THNSL1: variants seen among roughly 807,000 people sequenced by gnomAD.
The protein encoded by THNSL1 is threonine synthase-like 1.
THNSL1 carries 48 observed loss-of-function variants against 50.4 expected under a neutral mutation model. The observed-to-expected ratio is 0.95, with a 90% CI of 0.76 to 1.21. The LOEUF is 1.21. THNSL1 is among the 50% of genes most tolerant of loss of function. THNSL1 has a pLI of 0.00. For missense variants in THNSL1, 896 were observed against 871.7 expected (o/e 1.03, Z -0.35); for synonymous variants, 309 against 306.1 (o/e 1.01, Z -0.10).
chr10:24,998,525 C>A, the THNSL1 span, among the ~76,000 whole-genome samples: 6 of 152,082 alleles, frequency 3.9e-5, no homozygotes, highest in African/African-American at 1.2e-4. Flanking sequence ...CAGGTGCATG[C>A]CATCACACCT....
At chr10:24,955,898 A>C in the THNSL1 span, among the ~76,000 whole-genome samples, 1 of 152,048 alleles carries the variant, frequency 6.6e-6, no homozygotes, top group Non-Finnish European at 1.5e-5. Flanking sequence ...ATTGAGTCAT[A>C]ATTGCACCAC....
chr10:24,999,707 T>C, the THNSL1 span, among the ~76,000 whole-genome samples: 1 of 152,194 alleles, frequency 6.6e-6, no homozygotes, highest in African/African-American at 2.4e-5. Context: ...TCCATCAGAC[T>C]TAGATAAACT....
the THNSL1 span, among the ~76,000 whole-genome samples, chr10:25,008,984 T>G: frequency 2.0e-4 from 31 of 152,240 alleles, no homozygotes; most frequent in South Asian, 6.2e-3. Flanking sequence ...GAAACCATCA[T>G]TCTCAGCAAA....
At chr10:24,954,000 A>C in the THNSL1 span, among the ~76,000 whole-genome samples, 3 of 152,142 alleles carry the variant, frequency 2.0e-5, no homozygotes, top group Non-Finnish European at 4.4e-5. Flanking sequence ...TTCTCAGCAC[A>C]CGGGTAAACA....
At chr10:24,976,738 C>T in the THNSL1 span, among the ~76,000 whole-genome samples, 6 of 152,140 alleles carry the variant, frequency 3.9e-5, no homozygotes, top group Admixed American at 1.3e-4. Context: ...AGATGATCCA[C>T]CTGCCTCGGC....
chr10:24,995,634 C>T, the THNSL1 span: 2 of 1,603,208 alleles, frequency 1.2e-6, no homozygotes, highest in Admixed American at 1.7e-5. Flanking sequence ...TATTAATATA[C>T]CACAAGGCTA....
At chr10:24,957,638 G>A in the THNSL1 span, among the ~76,000 whole-genome samples, 4 of 152,140 alleles carry the variant, frequency 2.6e-5, no homozygotes, top group East Asian at 1.9e-4. Flanking sequence ...CCACCACCAC[G>A]CCCGGCTAAT....
intron 1 of THNSL1, among the ~76,000 whole-genome samples, chr10:25,017,626 T>G (rs533538593): frequency 6.6e-6 from 1 of 152,216 alleles, no homozygotes; most frequent in African/African-American, 2.4e-5. Context: ...TTTTTCTTTT[T>G]TTTTTTTTTG....
the THNSL1 span, chr10:24,999,521 C>T: frequency 6.2e-7 from 1 of 1,610,196 alleles, no homozygotes; most frequent in Non-Finnish European, 8.5e-7. Flanking sequence ...TCATCTTTTA[C>T]AGTTGCCTTA....
At chr10:24,992,955 T>C in the THNSL1 span, among the ~76,000 whole-genome samples, 1 of 152,180 alleles carries the variant, frequency 6.6e-6, no homozygotes, top group African/African-American at 2.4e-5. Context: ...ATGATGATTC[T>C]GCAGGATCAC....
At chr10:25,020,488 C>G (rs1850698133) in intron 1 of THNSL1, among the ~76,000 whole-genome samples, 1 of 151,968 alleles carries the variant, frequency 6.6e-6, no homozygotes, top group African/African-American at 2.4e-5. Context: ...ATTTACTGGG[C>G]CAGTATGGTG....
chr10:24,954,288 G>C, the THNSL1 span, among the ~76,000 whole-genome samples: 2 of 152,084 alleles, frequency 1.3e-5, no homozygotes, highest in African/African-American at 4.8e-5. Flanking sequence ...CTAGAATCCT[G>C]TACCTGCTGA....
the THNSL1 span, among the ~76,000 whole-genome samples, chr10:25,007,227 C>G: frequency 6.6e-6 from 1 of 152,048 alleles, no homozygotes; most frequent in South Asian, 2.1e-4. Flanking sequence ...GATATTAAAC[C>G]TTGTTCTGTA....
In THNSL1 at chr10:25,025,827, A is replaced by G. The variant is rs1269542291; in HGVS notation, c.*372A>G. On this transcript the variant is annotated 3_prime_UTR_variant, in exon 3 of 3. Coordinates refer to ENST00000376356, the MANE Select transcript of THNSL1 (RefSeq NM_024838.5). ...CAGGTACTACATCTGTAACTAGTGA[A>G]TACTCTGTTGATTAGAAAGTTAATT... The G allele has an allele frequency of 5.4e-6, 1 of 185,312 alleles. No individual in the cohort carries two copies. The highest frequency in any genetic ancestry group is 5.9e-5 in the Admixed American group (1 of 16,974). 11.5% of individuals were successfully genotyped at this position (185,312 alleles called of 1,614,324 possible).
chr10:25,007,750 A>G, the THNSL1 span, among the ~76,000 whole-genome samples: 2 of 152,042 alleles, frequency 1.3e-5, no homozygotes, highest in Admixed American at 1.3e-4. Context: ...AGATTTCTGA[A>G]TTATAGGCAG....
chr10:24,996,833 T>C, the THNSL1 span, among the ~76,000 whole-genome samples: 1 of 152,194 alleles, frequency 6.6e-6, no homozygotes, highest in East Asian at 1.9e-4. Context: ...AGAATTCATA[T>C]GTTGAAGCCC....
chr10:24,986,733 A>G, the THNSL1 span, among the ~76,000 whole-genome samples: 1 of 152,226 alleles, frequency 6.6e-6, no homozygotes, highest in South Asian at 2.1e-4. Flanking sequence ...TTTGGATCAA[A>G]GTCAACAGCC....
upstream of THNSL1, among the ~76,000 whole-genome samples, chr10:25,013,471 T>G (rs1367940501): frequency 6.6e-6 from 1 of 152,252 alleles, no homozygotes; most frequent in Non-Finnish European, 1.5e-5. Flanking sequence ...AGCCAATAGT[T>G]GGACATGACT....
At chr10:24,952,868 G>A in the THNSL1 span, among the ~76,000 whole-genome samples, 1 of 151,664 alleles carries the variant, frequency 6.6e-6, no homozygotes, top group East Asian at 2.0e-4. The surrounding 1 kb of genome is among the most constrained non-coding windows in gnomAD (Gnocchi z 5.1). Flanking sequence ...TGCGGCCGCC[G>A]CTGTCGCCGC....
Sources: gnomAD v4.1 joint callset for allele counts (sites outside exome capture counted in the v4.1 genomes callset) on GRCh38, gnomAD v4.1.1 for gene constraint, Gnocchi (gnomAD v3.1) non-coding constraint, MANE v1.5 for transcripts, NCBI Gene and HGNC (gene_info 2026-07-23, HGNC 2026-07-21) for gene names.